Variants in CAMTA1 observed in about 807,000 individuals in gnomAD.
The protein encoded by CAMTA1 is calmodulin binding transcription activator 1.
Under a neutral mutation model 170.9 loss-of-function variants are expected in CAMTA1, and 27 were observed. That is an observed-to-expected ratio of 0.16 (90% CI 0.12 to 0.22). The LOEUF (loss-of-function observed/expected upper bound fraction) is 0.22. Ranked by LOEUF, CAMTA1 falls within the 10% of genes least tolerant of loss-of-function variation. The pLI is 1.00. For synonymous variants in CAMTA1, 833 were observed against 891.5 expected (o/e 0.93, Z 1.17); for missense variants, 1,619 against 2,217.2 (o/e 0.73, Z 5.42).
intron 19 of CAMTA1, chr1:7,749,730 C>A (rs1420296701): frequency 2.2e-6 from 1 of 453,036 alleles, no homozygotes; most frequent in South Asian, 1.6e-5. Flanking sequence ...TTATATTCAG[C>A]AATGTAACAT....
At chr1:7,103,628 A>ACACAT (rs1406433356) in intron 4 of CAMTA1, among the ~76,000 whole-genome samples, 1 of 143,840 alleles carries the variant, frequency 7.0e-6, no homozygotes. Flanking sequence ...CGCACACACA[A>ACACAT]CTACACACAC....
intron 3 of CAMTA1, among the ~76,000 whole-genome samples, chr1:6,988,601 C>T (rs541664365): frequency 6.6e-6 from 1 of 152,040 alleles, no homozygotes; most frequent in Non-Finnish European, 1.5e-5. Context: ...GATTCCCCCC[C>T]ACCCCCTACC....
At chr1:7,761,650 G>T (rs1331411842) in intron 22 of CAMTA1, among the ~76,000 whole-genome samples, 1 of 152,066 alleles carries the variant, frequency 6.6e-6, no homozygotes, top group Non-Finnish European at 1.5e-5. Flanking sequence ...AAAAATTCTT[G>T]TCTATATTTA....
At chr1:7,545,957 CTTT>C (rs70987353) in intron 6 of CAMTA1, among the ~76,000 whole-genome samples, 4 of 131,494 alleles carry the variant, frequency 3.0e-5, no homozygotes, top group Non-Finnish European at 6.4e-5. Flanking sequence ...CTTTTCTTTT[CTTT>C]TTTTTTTTTT....
intron 4 of CAMTA1, among the ~76,000 whole-genome samples, chr1:7,218,916 G>A (rs889118781): frequency 5.9e-5 from 9 of 152,118 alleles, no homozygotes; most frequent in Non-Finnish European, 8.8e-5. Context: ...CAGAGGATGC[G>A]TTGGGAGATT....
intron 4 of CAMTA1, among the ~76,000 whole-genome samples, chr1:7,107,808 G>A (rs1292175289): frequency 6.6e-6 from 1 of 152,120 alleles, no homozygotes; most frequent in Non-Finnish European, 1.5e-5. Flanking sequence ...TTCCAAGCAG[G>A]GACTCCAGCC....
intron 4 of CAMTA1, among the ~76,000 whole-genome samples, chr1:7,218,008 G>A (rs1231961704): frequency 6.6e-6 from 1 of 152,168 alleles, no homozygotes; most frequent in African/African-American, 2.4e-5. Flanking sequence ...AGAGGCGCCT[G>A]TGGGTACATC....
intron 4 of CAMTA1, among the ~76,000 whole-genome samples, chr1:7,214,619 G>C (rs1002026673): frequency 6.6e-6 from 1 of 152,118 alleles, no homozygotes; most frequent in Non-Finnish European, 1.5e-5. Flanking sequence ...ACCCGCCTTT[G>C]CCTCCCAAAG....
chr1:6,929,403 G>C (rs567870171), intron 3 of CAMTA1, among the ~76,000 whole-genome samples: 1 of 150,596 alleles, frequency 6.6e-6, no homozygotes. Flanking sequence ...TTGCTGTGTC[G>C]CCCAGCTGGA....
chr1:7,218,665 T>C lies in CAMTA1; in HGVS notation c.303-30826T>C, dbSNP rs916590321. ...GATTCATTTTTGGTATTTTCTTCCC[T>C]GTAGGATGTACTTTCTCTTTCTTCA... On this transcript the variant is annotated intron_variant, in intron 4 of 22. Transcript: ENST00000303635. Among the ~76,000 whole-genome samples, 4 of 152,362 alleles carry C rather than the reference T, an allele frequency of 2.6e-5. No homozygotes were observed. In the East Asian group the frequency reaches 7.7e-4, roughly 29 times the overall value.
chr1:7,413,711 A>G (rs1299379713), intron 5 of CAMTA1, among the ~76,000 whole-genome samples: 6 of 152,322 alleles, frequency 3.9e-5, no homozygotes, highest in Non-Finnish European at 8.8e-5. Flanking sequence ...AACAAGGACA[A>G]TTTGACTTCC....
chr1:7,103,999 A>G (rs62648310), intron 4 of CAMTA1, among the ~76,000 whole-genome samples: 69,277 of 150,724 alleles, frequency 0.46, 17,474 homozygotes, highest in African/African-American at 0.67. Context: ...TACACACATG[A>G]ACACAACACA....
At chr1:7,048,651 C>T (rs1188124107) in intron 3 of CAMTA1, among the ~76,000 whole-genome samples, 1 of 152,232 alleles carries the variant, frequency 6.6e-6, no homozygotes, top group Non-Finnish European at 1.5e-5. Flanking sequence ...CCACCTGTCC[C>T]TGAGCCTTCC....
chr1:7,397,097 A>T (rs1236132796), intron 5 of CAMTA1, among the ~76,000 whole-genome samples: 1 of 152,094 alleles, frequency 6.6e-6, no homozygotes, highest in Non-Finnish European at 1.5e-5. Context: ...ATTTGGTAGA[A>T]CTCAGCAATG....
Position 7,260,919 on chromosome 1 carries a change from T to A in CAMTA1, c.438+11293T>A, listed in dbSNP as rs1247776855. ...AAATGTTGACTCTTCATGAATTGAT[T>A]ACTTAGAATGTATTTTATTAAAGAT... On this transcript the variant is annotated intron_variant, in intron 5 of 22. Transcript: ENST00000303635. Among the ~76,000 whole-genome samples, 3 of 152,242 alleles carry A rather than the reference T, an allele frequency of 2.0e-5. No homozygotes were observed. The East Asian group carries it at 5.8e-4, about 29-fold the overall frequency.
intron 7 of CAMTA1, among the ~76,000 whole-genome samples, chr1:7,660,646 C>T (rs1054830580): frequency 6.6e-6 from 1 of 152,246 alleles, no homozygotes; most frequent in Non-Finnish European, 1.5e-5. Context: ...GAGCCCTTCA[C>T]AGAACTGGGG....
intron 4 of CAMTA1, among the ~76,000 whole-genome samples, chr1:7,138,749 C>G (rs1282917116): frequency 6.6e-6 from 1 of 152,146 alleles, no homozygotes; most frequent in African/African-American, 2.4e-5. Flanking sequence ...AATCCCAGCA[C>G]TTTGGGAGAC....
intron 5 of CAMTA1, among the ~76,000 whole-genome samples, chr1:7,424,473 A>G (rs1235271087): frequency 6.6e-6 from 1 of 151,844 alleles, no homozygotes; most frequent in East Asian, 1.9e-4. Flanking sequence ...GGTGGGGGAC[A>G]GCTAGGGATT....
At chr1:7,488,821 TAAC>T (rs1279567530) in intron 6 of CAMTA1, among the ~76,000 whole-genome samples, 1 of 152,138 alleles carries the variant, frequency 6.6e-6, no homozygotes, top group African/African-American at 2.4e-5. Context: ...ATATGTACCT[TAAC>T]ATCACACACA....
Sources: allele counts gnomAD v4.1 joint callset (sites outside exome capture counted in the v4.1 genomes callset), GRCh38; gene constraint gnomAD v4.1.1; transcripts MANE v1.5; gene names NCBI Gene and HGNC (gene_info 2026-07-23, HGNC 2026-07-21).